FERMT2: variants seen among roughly 807,000 people sequenced by gnomAD.
FERMT2 encodes fermitin family homolog 2.
In FERMT2, 15 loss-of-function variants were observed where a neutral mutation model predicts 82.7. The observed-to-expected ratio is 0.18, with a 90% CI of 0.12 to 0.28. The LOEUF (loss-of-function observed/expected upper bound fraction) is 0.28, where lower values mean the gene tolerates loss of function less well. Ranked by LOEUF, FERMT2 falls within the 10% of genes least tolerant of loss-of-function variation. The probability of loss-of-function intolerance (pLI) is 1.00; values close to 1 mark genes in which losing one functional copy is unlikely to be tolerated. For synonymous variants in FERMT2, 274 were observed against 271.5 expected (o/e 1.01, Z -0.09); for missense variants, 645 against 809.4 (o/e 0.80, Z 2.46).
chr14:52,926,307 CTCCCTTACATGT>C (rs1232593400), intron 2 of FERMT2, among the ~76,000 whole-genome samples: 3 of 152,110 alleles, frequency 2.0e-5, no homozygotes, highest in African/African-American at 4.8e-5. Context: ...CATACAGGAA[CTCCCTTACATGT>C]TCTAATCTAG....
chr14:52,917,294 GTA>G (rs1288070629), intron 3 of FERMT2, among the ~76,000 whole-genome samples: 1 of 151,756 alleles, frequency 6.6e-6, no homozygotes, highest in Admixed American at 6.6e-5. Flanking sequence ...GTGTGTGTGT[GTA>G]TGTGTGTGTC....
intron 2 of FERMT2, among the ~76,000 whole-genome samples, chr14:52,943,122 C>G (rs74710196): frequency 0.038 from 4,679 of 123,220 alleles, 208 homozygotes; most frequent in Middle Eastern, 0.075. Context: ...GCAGGAGAAT[C>G]ACTTGAACTT....
At chr14:52,865,405 A>G (rs962155902) in intron 10 of FERMT2, among the ~76,000 whole-genome samples, 5 of 152,242 alleles carry the variant, frequency 3.3e-5, no homozygotes, top group African/African-American at 1.2e-4. Context: ...AACAGCTGGC[A>G]TAAACAAGTA....
chr14:52,875,508 G>C (rs1885898370), intron 7 of FERMT2, 151 bp from the exon 8 acceptor site: 1 of 574,830 alleles, frequency 1.7e-6, no homozygotes. Flanking sequence ...ATAAATACCT[G>C]AAATCAATAT....
At chr14:52,873,218 C>A (rs1287725958) in intron 9 of FERMT2, among the ~76,000 whole-genome samples, 1 of 152,098 alleles carries the variant, frequency 6.6e-6, no homozygotes, top group Non-Finnish European at 1.5e-5. Flanking sequence ...TAGCAGGTCA[C>A]ATGGGAAGGG....
intron 3 of FERMT2, among the ~76,000 whole-genome samples, chr14:52,916,678 A>G (rs1888633433): frequency 6.6e-6 from 1 of 152,176 alleles, no homozygotes; most frequent in Non-Finnish European, 1.5e-5. Context: ...AACATAAACT[A>G]CTGTCACTGA....
At chr14:52,888,712 A>T (rs1886752650) in intron 4 of FERMT2, among the ~76,000 whole-genome samples, 1 of 152,172 alleles carries the variant, frequency 6.6e-6, no homozygotes, top group Non-Finnish European at 1.5e-5. Flanking sequence ...CAGGCAACAA[A>T]ACCTCCTCAG....
intron 2 of FERMT2, among the ~76,000 whole-genome samples, chr14:52,938,903 T>C (rs1305954917): frequency 6.6e-6 from 1 of 152,120 alleles, no homozygotes; most frequent in East Asian, 1.9e-4. Flanking sequence ...ACTCCCTATC[T>C]TAGCATAGTG....
At chr14:52,878,502 T>C (rs1886101996) in intron 7 of FERMT2, 80 bp downstream of exon 7, 1 of 855,460 alleles carries the variant, frequency 1.2e-6, no homozygotes, top group African/African-American at 1.7e-5. Context: ...GTTACTGGAA[T>C]TACTATTCCA....
intron 3 of FERMT2, among the ~76,000 whole-genome samples, chr14:52,897,883 G>A (rs1177654561): frequency 6.6e-6 from 1 of 151,512 alleles, no homozygotes; most frequent in Admixed American, 6.6e-5. Flanking sequence ...GGCTGAGGCA[G>A]GGGAATCGCT....
At chr14:52,944,753 T>G (rs1385816623) in intron 2 of FERMT2, among the ~76,000 whole-genome samples, 2 of 152,224 alleles carry the variant, frequency 1.3e-5, no homozygotes, top group African/African-American at 2.4e-5. Flanking sequence ...TGGTCACATG[T>G]GCTAAGTTCA....
At chr14:52,933,667 G>A (rs1889696639) in intron 2 of FERMT2, among the ~76,000 whole-genome samples, 1 of 122,108 alleles carries the variant, frequency 8.2e-6, no homozygotes, top group Non-Finnish European at 1.6e-5. Context: ...CCGAGATCAC[G>A]CCATTGCACT....
intron 12 of FERMT2, among the ~76,000 whole-genome samples, chr14:52,864,030 T>C (rs947534120): frequency 6.6e-6 from 1 of 152,132 alleles, no homozygotes; most frequent in African/African-American, 2.4e-5. Flanking sequence ...CAATTTAAAC[T>C]GACTAAAGGT....
intron 2 of FERMT2, among the ~76,000 whole-genome samples, chr14:52,934,337 ATTAAAACAT>A (rs780413980): frequency 2.7e-4 from 41 of 152,360 alleles, no homozygotes; most frequent in Non-Finnish European, 5.6e-4. Context: ...GTGTACTGTA[ATTAAAACAT>A]TAAAAACATT....
intron 2 of FERMT2, among the ~76,000 whole-genome samples, chr14:52,949,198 A>T (rs933029741): frequency 1.3e-5 from 2 of 152,112 alleles, no homozygotes; most frequent in Non-Finnish European, 2.9e-5. Context: ...TTCAATAATA[A>T]AACTTCCTGC....
chr14:52,900,758 C>T (rs1887576095), intron 3 of FERMT2, among the ~76,000 whole-genome samples: 1 of 152,094 alleles, frequency 6.6e-6, no homozygotes, highest in African/African-American at 2.4e-5. Context: ...CCCAGCATCC[C>T]TTTCCTGTTC....
chr14:52,937,761 T>C (rs1198199118), intron 2 of FERMT2, among the ~76,000 whole-genome samples: 1 of 152,198 alleles, frequency 6.6e-6, no homozygotes, highest in Non-Finnish European at 1.5e-5. Context: ...AGAGCATGAA[T>C]GTATAGAATT....
At chr14:52,937,557 A>G (rs1374923044) in intron 2 of FERMT2, among the ~76,000 whole-genome samples, 2 of 152,158 alleles carry the variant, frequency 1.3e-5, no homozygotes, top group Non-Finnish European at 2.9e-5. Flanking sequence ...GCACTTCTCA[A>G]TCAGATCATT....
At chr14:52,899,234 T>C (rs4901306) in intron 3 of FERMT2, among the ~76,000 whole-genome samples, 122,679 of 152,050 alleles carry the variant, frequency 0.81, 49,708 homozygotes, top group East Asian at 1. Flanking sequence ...CTCAGGGCTC[T>C]AGCGGCTTGT....
Sources: allele counts gnomAD v4.1 joint callset (sites outside exome capture counted in the v4.1 genomes callset), GRCh38; gene constraint gnomAD v4.1.1; transcripts MANE v1.5; gene names NCBI Gene and HGNC (gene_info 2026-07-23, HGNC 2026-07-21).